Variants in PTP4A1 observed in about 807,000 individuals in gnomAD.
PTP4A1 encodes protein tyrosine phosphatase 4A1.
PTP4A1 carries 9 observed loss-of-function variants against 20.5 expected under a neutral mutation model. The observed-to-expected ratio is 0.44, with a 90% CI of 0.26 to 0.77. The LOEUF is 0.77. Ranked by LOEUF, PTP4A1 falls within the 30% of genes least tolerant of loss-of-function variation. The probability of loss-of-function intolerance (pLI) is 0.19; values close to 1 mark genes in which losing one functional copy is unlikely to be tolerated. For missense variants in PTP4A1, 137 were observed against 218.8 expected (o/e 0.63, Z 2.36); for synonymous variants, 78 against 67.4 (o/e 1.16, Z -0.77).
chr6:63,517,015 GAT>G (rs1181934897), upstream of PTP4A1, among the ~76,000 whole-genome samples: 2 of 152,018 alleles, frequency 1.3e-5, no homozygotes, highest in Non-Finnish European at 2.9e-5. Context: ...ATTGTTTTGG[GAT>G]ATTTATTTCT....
chr6:63,542,020 G>A (rs556814616), intron 2 of PTP4A1, among the ~76,000 whole-genome samples: 1 of 97,566 alleles, frequency 1.0e-5, no homozygotes, highest in Non-Finnish European at 2.0e-5. Flanking sequence ...TAAAGAAACT[G>A]TGGTGTGTGT....
exon 1 of PTP4A1, chr6:63,521,776 A>T: frequency 6.6e-6 from 1 of 152,216 alleles, no homozygotes; most frequent in East Asian, 1.9e-4. Flanking sequence ...TGGTATCCTT[A>T]TGCAGAATGA....
chr6:63,530,843 A>C (rs971416409), intron 2 of PTP4A1, among the ~76,000 whole-genome samples: 1 of 152,208 alleles, frequency 6.6e-6, no homozygotes, highest in African/African-American at 2.4e-5. Flanking sequence ...GTAGTACCTT[A>C]AAACATCCAA....
chr6:63,575,741 A>G (rs1262204450), intron 1 of PTP4A1, among the ~76,000 whole-genome samples: 2 of 152,150 alleles, frequency 1.3e-5, no homozygotes, highest in Non-Finnish European at 2.9e-5. Flanking sequence ...ATAAGCATAC[A>G]TTCTTATGAT....
chr6:63,516,767 T>C (rs1487822343), upstream of PTP4A1, among the ~76,000 whole-genome samples: 1 of 152,204 alleles, frequency 6.6e-6, no homozygotes, highest in Non-Finnish European at 1.5e-5. Context: ...CTGGGAAGTA[T>C]TCTTAAAGAA....
Position 63,551,153 on chromosome 6 carries a change from C to T in PTP4A1, c.-446+660C>T, listed in dbSNP as rs1314378714. On this transcript the variant is annotated intron_variant, in intron 3 of 3. Transcript: ENST00000639568. Reference sequence around the variant, plus strand: ...CAATCTCTGCTCACTGCAACCTCTGCTTTCCAGGTTCAAGTGATTCTCCTG... The same window carrying T: ...CAATCTCTGCTCACTGCAACCTCTGTTTTCCAGGTTCAAGTGATTCTCCTG... 3.6e-4 allele frequency among the ~76,000 whole-genome samples: 55 copies of T among 152,116 alleles called. 1 individual carries two copies. Among genetic ancestry groups the T allele is most frequent in the Admixed American group, 3.6e-3 (55 of 15,274 alleles).
At chr6:63,549,475 C>A in intron 2 of PTP4A1, 2 of 786,774 alleles carry the variant, frequency 2.5e-6, no homozygotes, top group Non-Finnish European at 4.4e-6. Flanking sequence ...GCCGGAGCCA[C>A]CTTCTTTCCC....
rs192460112 is a variant in PTP4A1 at position 63,543,348 on chromosome 6, G to A, written c.-639-6952G>A. ...TTCTTTCTTTCAATTATATCATCCT[G>A]CAGGTTTCCTTCTTGGCACCTTTCA... is the stretch of plus-strand genomic sequence containing the variant. On this transcript the variant is annotated intron_variant, in intron 2 of 3. Coordinates refer to the PTP4A1 transcript ENST00000639568. Among the ~76,000 whole-genome samples the A allele has an allele frequency of 1.7e-3, 261 of 152,242 alleles. 3 individuals carry two copies. Among genetic ancestry groups the A allele is most frequent in the African/African-American group, 5.9e-3 (246 of 41,536 alleles).
intron 3 of PTP4A1, among the ~76,000 whole-genome samples, chr6:63,553,337 G>C (rs1776532948): frequency 6.6e-6 from 1 of 152,206 alleles, no homozygotes; most frequent in African/African-American, 2.4e-5. Context: ...CTCGGGTTCA[G>C]ATAGAATCTC....
intron 3 of PTP4A1, 118 bp downstream of exon 3, chr6:63,578,647 A>G: frequency 7.3e-7 from 1 of 1,372,178 alleles, no homozygotes; most frequent in Non-Finnish European, 9.7e-7. Flanking sequence ...GCTAAAAACA[A>G]ATATTATATT....
chr6:63,571,679 A>C (rs746211072), upstream of PTP4A1: 1 of 152,272 alleles, frequency 6.6e-6, no homozygotes, highest in African/African-American at 2.4e-5. Flanking sequence ...GAGCAGCAGT[A>C]CAAAGGATGC....
intron 2 of PTP4A1, among the ~76,000 whole-genome samples, chr6:63,547,451 A>G (rs1207781138): frequency 6.6e-6 from 1 of 150,706 alleles, no homozygotes; most frequent in Non-Finnish European, 1.5e-5. Flanking sequence ...CGGCCTCCCA[A>G]AGTGCTGGGA....
intron 3 of PTP4A1, among the ~76,000 whole-genome samples, chr6:63,565,722 C>A (rs1777164753): frequency 6.6e-6 from 1 of 152,144 alleles, no homozygotes; most frequent in African/African-American, 2.4e-5. Context: ...AGCTTATTTG[C>A]TCATTGGAAA....
chr6:63,554,943 G>A (rs1444524815), intron 3 of PTP4A1, among the ~76,000 whole-genome samples: 1 of 152,186 alleles, frequency 6.6e-6, no homozygotes, highest in African/African-American at 2.4e-5. Flanking sequence ...ATCATACAAA[G>A]AGACAATTGT....
chr6:63,542,731 T>C (rs895163956), intron 2 of PTP4A1, among the ~76,000 whole-genome samples: 3 of 152,174 alleles, frequency 2.0e-5, no homozygotes, highest in Non-Finnish European at 2.9e-5. Context: ...GAAATCTCCT[T>C]TGCCAACCTC....
At chr6:63,553,153 T>C (rs1322675419) in intron 3 of PTP4A1, among the ~76,000 whole-genome samples, 1 of 152,186 alleles carries the variant, frequency 6.6e-6, no homozygotes, top group Non-Finnish European at 1.5e-5. Flanking sequence ...AGTATACAAT[T>C]CAAATTTGAA....
In PTP4A1 at chr6:63,580,254, T is replaced by G; in HGVS notation, c.*80T>G. The G allele has an allele frequency of 1.7e-6, 2 of 1,172,160 alleles. No homozygotes were observed. Among genetic ancestry groups the G allele is most frequent in the Admixed American group, 3.6e-5 (2 of 56,242 alleles). The allele number at this position is 1,172,160 out of a possible 1,614,324, so 72.6% of individuals were successfully genotyped here. On this transcript the variant is annotated 3_prime_UTR_variant, in exon 6 of 6. Transcript: ENST00000626021. ...TATACATATTAGCCAACATGTTGGC[T>G]TAGTAAGTCTAATGAAGCTTCCATA...
At position 63,574,677 on chromosome 6, in the gene PTP4A1, T is replaced by C. The variant is rs537839081; in HGVS notation, c.-445-1759T>C. On this transcript the variant is annotated intron_variant, in intron 1 of 5. Transcript: ENST00000626021. The stretch of plus-strand genomic sequence containing the variant: ...GTGTGAAATACTGCCTCAAATTAGC[T>C]TTTAATTGAAAAAAAGGTAATACCT... Among the ~76,000 whole-genome samples, 160 of 152,288 alleles carry C rather than the reference T, an allele frequency of 1.1e-3. 3 individuals are homozygous for C. In the East Asian group the frequency reaches 0.024, roughly 23 times the overall value.
At chr6:63,574,134 C>G (rs1166967524) in intron 1 of PTP4A1, among the ~76,000 whole-genome samples, 1 of 152,178 alleles carries the variant, frequency 6.6e-6, no homozygotes, top group African/African-American at 2.4e-5. Flanking sequence ...AACTAGAAAA[C>G]TAAATCATTC....
Sources: gnomAD v4.1 joint callset for allele counts (sites outside exome capture counted in the v4.1 genomes callset) on GRCh38, gnomAD v4.1.1 for gene constraint, MANE v1.5 for transcripts, NCBI Gene and HGNC (gene_info 2026-07-23, HGNC 2026-07-21) for gene names.